Variants in PISD observed in about 807,000 individuals in gnomAD.
PISD encodes phosphatidylserine decarboxylase proenzyme, mitochondrial.
Under a neutral mutation model 43.5 loss-of-function variants are expected in PISD, and 31 were observed. That is an observed-to-expected ratio of 0.71 (90% CI 0.54 to 0.96). PISD has a LOEUF of 0.96. PISD is among the 40% of genes least tolerant of loss of function. PISD has a pLI of 0.00. For synonymous variants in PISD, 259 were observed against 228.7 expected (o/e 1.13, Z -1.20); for missense variants, 523 against 548.4 (o/e 0.95, Z 0.46).
At position 31,619,758 on chromosome 22, in the gene PISD, C is replaced by T; in HGVS notation, c.1084G>A (p.Gly362Ser). 6.2e-7 allele frequency: 1 copy of T among 1,614,136 alleles called. No homozygotes were observed. Among genetic ancestry groups the T allele is most frequent in the Non-Finnish European group, 8.5e-7 (1 of 1,179,970 alleles). ...TGCTCGCCCTTACGCATGGGGACGC[C>T]CTCTCTATTGGTGTGCGTCACGAAG... ...FSFVTHTNRE[G>S]VPMRKGEHLG... Residue 362 changes from glycine to serine, a missense_variant, in exon 8 of 8, where the codon GGC (glycine) becomes AGC (serine). Physicochemically the swap from Gly to Ser is moderately conservative, Grantham distance 56. Transcript: ENST00000439502.
intron 1 of PISD, among the ~76,000 whole-genome samples, chr22:31,660,251 C>G (rs547497628): frequency 6.6e-6 from 1 of 152,122 alleles, no homozygotes; most frequent in African/African-American, 2.4e-5. Context: ...CTCTCACCCA[C>G]TGCATCTAAG....
In PISD at chr22:31,619,424, G is replaced by A. The variant is rs192748127; in HGVS notation, c.*188C>T. 33 of 683,386 alleles carry A rather than the reference G, an allele frequency of 4.8e-5. 1 individual carries two copies. The highest frequency in any genetic ancestry group is 2.8e-5 in the East Asian group (1 of 35,400). 42.3% of individuals were successfully genotyped at this position (683,386 alleles called of 1,614,324 possible). ...GGGATAGGTTGAGGGGCATGATGGGGGCTCTCGCCACCTCTTGTCTGCACC... is the reference window on the plus strand; with the variant it reads ...GGGATAGGTTGAGGGGCATGATGGGAGCTCTCGCCACCTCTTGTCTGCACC... On this transcript the variant is annotated 3_prime_UTR_variant, in exon 8 of 8. Transcript: ENST00000439502.
chr22:31,660,876 G>A (rs960951028), intron 1 of PISD, among the ~76,000 whole-genome samples: 27 of 152,152 alleles, frequency 1.8e-4, no homozygotes, highest in African/African-American at 6.5e-4. Context: ...TGGGATTACA[G>A]GTGCCTGCCA....
intron 1 of PISD, among the ~76,000 whole-genome samples, chr22:31,656,842 C>A (rs925807849): frequency 2.0e-5 from 3 of 152,070 alleles, no homozygotes; most frequent in Admixed American, 6.6e-5. Context: ...GCTGGGCACA[C>A]CCCTCTCCTA....
chr22:31,662,377 G>A, upstream of PISD: 2 of 653,680 alleles, frequency 3.1e-6, no homozygotes, highest in East Asian at 5.4e-5. Context: ...TGGCACCTGC[G>A]GAGGTAGGGG....
At chr22:31,658,268 G>C (rs985035157) in intron 1 of PISD, among the ~76,000 whole-genome samples, 1 of 152,170 alleles carries the variant, frequency 6.6e-6, no homozygotes, top group Non-Finnish European at 1.5e-5. Flanking sequence ...GTCTGCCTGT[G>C]CAACTCAAAT....
intron 1 of PISD, 21 bp from the exon 2 acceptor site, chr22:31,650,799 A>G (rs914177311): frequency 4.2e-6 from 6 of 1,427,684 alleles, no homozygotes; most frequent in Non-Finnish European, 5.7e-6. Context: ...GCAAAAATGA[A>G]CCATTAAATA....
intron 3 of PISD, chr22:31,632,213 C>T (rs2073235459): frequency 1.0e-5 from 10 of 985,204 alleles, no homozygotes; most frequent in Non-Finnish European, 1.2e-5. Flanking sequence ...TGCCACATGA[C>T]AAGCCACAGC....
chr22:31,626,038 T>C (rs573916177), intron 3 of PISD: 636 of 1,428,662 alleles, frequency 4.5e-4, no homozygotes, highest in Non-Finnish European at 5.1e-4. Flanking sequence ...AGACAGGCAC[T>C]GGTCACACAC....
At chr22:31,656,424 G>A (rs935919657) in intron 1 of PISD, among the ~76,000 whole-genome samples, 3 of 151,984 alleles carry the variant, frequency 2.0e-5, no homozygotes, top group African/African-American at 7.3e-5. Flanking sequence ...GCCAAGGTGG[G>A]CAGATCACGA....
chr22:31,662,419 G>C, upstream of PISD: 1 of 577,660 alleles, frequency 1.7e-6, no homozygotes, highest in South Asian at 2.1e-5. Flanking sequence ...CGCTAAACCT[G>C]GGCTTGGTCG....
At chr22:31,624,755 AC>A (rs1257580490) in intron 3 of PISD, among the ~76,000 whole-genome samples, 2 of 130,562 alleles carry the variant, frequency 1.5e-5, no homozygotes, top group Non-Finnish European at 3.3e-5. Context: ...ACACACACAC[AC>A]GAGACCCAAG....
chr22:31,650,801 C>T (rs780523741), intron 1 of PISD, 23 bp from the exon 2 acceptor site: 77 of 1,417,260 alleles, frequency 5.4e-5, no homozygotes, highest in Non-Finnish European at 6.6e-5. Context: ...AAAAATGAAC[C>T]ATTAAATATT....
At chr22:31,624,233 G>GT (rs1475552474) in intron 3 of PISD, among the ~76,000 whole-genome samples, 2 of 152,196 alleles carry the variant, frequency 1.3e-5, no homozygotes, top group Non-Finnish European at 2.9e-5. Context: ...GGAGAGCAGG[G>GT]TGTAGGGCCT....
At chr22:31,640,991 G>T (rs891095771) in intron 3 of PISD, among the ~76,000 whole-genome samples, 2 of 141,636 alleles carry the variant, frequency 1.4e-5, no homozygotes, top group East Asian at 2.2e-4. Flanking sequence ...GGGTTCAAGC[G>T]ATTCTCCTGC....
chr22:31,650,832 T>C lies in PISD; in HGVS notation c.66-54A>G, dbSNP rs146237094. On this transcript the variant is annotated intron_variant, in intron 1 of 7. Coordinates refer to ENST00000439502, the MANE Select transcript of PISD (RefSeq NM_001326411.2). Reference sequence around the variant, plus strand: ...ATATTATTCTTAAAATTAAAATTACTGGATTAATCGGCAAAATTTAAACAC... The same window carrying C: ...ATATTATTCTTAAAATTAAAATTACCGGATTAATCGGCAAAATTTAAACAC... 887 of 1,198,726 alleles carry C rather than the reference T, an allele frequency of 7.4e-4. 9 individuals carry two copies. The African/African-American group carries it at 0.012, about 16-fold the overall frequency. The allele number at this position is 1,198,726 out of a possible 1,614,324, so 74.3% of individuals were successfully genotyped here.
chr22:31,640,560 T>C (rs565980739), intron 3 of PISD, among the ~76,000 whole-genome samples: 1 of 147,458 alleles, frequency 6.8e-6, no homozygotes, highest in Non-Finnish European at 1.5e-5. Flanking sequence ...ACATCCTTTT[T>C]GTTTCGGTTT....
Position 31,621,071 on chromosome 22 carries a change from A to G in PISD, c.769T>C (p.Tyr257His). 1 of 1,614,104 alleles carries G rather than the reference A, an allele frequency of 6.2e-7. No individual in the cohort carries two copies. Among genetic ancestry groups the G allele is most frequent in the Non-Finnish European group, 8.5e-7 (1 of 1,179,966 alleles). Residue 257 changes from tyrosine (Y) to histidine (H), a missense_variant, in exon 6 of 8, where the codon TAC (tyrosine) becomes CAC (histidine). By Grantham distance (83) the Tyr-to-His change is moderately conservative. Transcript: ENST00000439502. ...CAGTGGTAGTCCCCAGGGGCCAGGT[A>G]GATGACACAGTGATAGAGCTCATTC... ...EGNELYHCVI[Y>H]LAPGDYHCFH...
At chr22:31,640,439 C>T (rs1337068010) in intron 3 of PISD, among the ~76,000 whole-genome samples, 1 of 151,904 alleles carries the variant, frequency 6.6e-6, no homozygotes, top group Non-Finnish European at 1.5e-5. Flanking sequence ...TCAAGTGATC[C>T]GCCACCTCAG....
Sources: allele counts gnomAD v4.1 joint callset (sites outside exome capture counted in the v4.1 genomes callset), GRCh38; gene constraint gnomAD v4.1.1; transcripts MANE v1.5; gene names NCBI Gene and HGNC (gene_info 2026-07-23, HGNC 2026-07-21).